YME1L1: variants seen among roughly 807,000 people sequenced by gnomAD.
YME1L1 encodes YME1 like 1 ATPase, also known as ATP-dependent zinc metalloprotease YME1L1.
Under a neutral mutation model 90.4 loss-of-function variants are expected in YME1L1, and 39 were observed. That is an observed-to-expected ratio of 0.43 (90% CI 0.33 to 0.56). YME1L1 has a LOEUF of 0.56. YME1L1 is among the 20% of genes least tolerant of loss of function. YME1L1 has a pLI of 0.03. For missense variants in YME1L1, 617 were observed against 868.4 expected, an observed-to-expected ratio of 0.71 and a Z score of 3.64; for synonymous variants, 284 against 287.3, an observed-to-expected ratio of 0.99 and a Z score of 0.12.
chr10:27,121,820 C>G (rs2056870763), intron 11 of YME1L1, among the ~76,000 whole-genome samples: 1 of 150,826 alleles, frequency 6.6e-6, no homozygotes, highest in African/African-American at 2.4e-5. Context: ...ACTGCAACCT[C>G]CATCTCCCAG....
Position 27,113,848 on chromosome 10 carries a change from C to CA in YME1L1, c.2007+672dup, listed in dbSNP as rs1174871150. On this transcript the variant is annotated intron_variant, in intron 18 of 18. Coordinates refer to ENST00000376016, the MANE Select transcript of YME1L1 (RefSeq NM_014263.4). ...CTTAAAAAAAAAATGACAAAACCCA[C>CA]AAAAAACCAACAATAAAACACCTAC... 2.7e-5 allele frequency among the ~76,000 whole-genome samples: 4 copies of CA among 149,690 alleles called. No individual in the cohort carries two copies. The South Asian group carries it at 6.4e-4, about 24-fold the overall frequency.
intron 4 of YME1L1, among the ~76,000 whole-genome samples, chr10:27,138,786 C>T (rs1340335526): frequency 4.0e-5 from 6 of 151,510 alleles, no homozygotes; most frequent in South Asian, 4.2e-4. Context: ...ATTTCGTTTT[C>T]TTTTAAATCA....
chr10:27,141,705 C>G (rs1306394919), intron 4 of YME1L1, among the ~76,000 whole-genome samples: 1 of 151,718 alleles, frequency 6.6e-6, no homozygotes, highest in Non-Finnish European at 1.5e-5. Flanking sequence ...AAGGCCATAT[C>G]TGCACTGTGA....
Position 27,126,938 on chromosome 10 carries a change from C to T in YME1L1, c.859-152G>A, listed in dbSNP as rs989883465. On this transcript the variant is annotated intron_variant, in intron 8 of 18. Coordinates refer to ENST00000376016, the MANE Select transcript of YME1L1 (RefSeq NM_014263.4). ...GTAAAAAAAGCATACAAAAATGGCC[C>T]CTTATAAAACAAAGGGTTTTCCCCT... is the stretch of plus-strand genomic sequence containing the variant. 49 of 555,774 alleles carry T rather than the reference C, an allele frequency of 8.8e-5. No homozygotes were observed. In the South Asian group the frequency reaches 1.1e-3, roughly 12 times the overall value. The allele number at this position is 555,774 out of a possible 1,614,324, so 34.4% of individuals were successfully genotyped here. A position where few individuals can be genotyped will look rare whatever the true frequency, so the allele number is the denominator to read the frequency against.
Position 27,110,460 on chromosome 10 carries a change from G to A in YME1L1, c.*1517C>T, listed in dbSNP as rs968839944. On this transcript the variant is annotated 3_prime_UTR_variant, in exon 19 of 19. Transcript: ENST00000376016. Reference sequence around the variant, plus strand: ...AGACCATATACAGCTTAAATTATTAGGAAATTGTAGATAATTTTAATGAAG... The same window carrying A: ...AGACCATATACAGCTTAAATTATTAAGAAATTGTAGATAATTTTAATGAAG... 3.3e-5 allele frequency: 5 copies of A among 152,078 alleles called. No individual in the cohort carries two copies. Among genetic ancestry groups the A allele is most frequent in the African/African-American group, 1.2e-4 (5 of 41,410 alleles). 9.4% of individuals were successfully genotyped at this position (152,078 alleles called of 1,614,324 possible). A position where few individuals can be genotyped will look rare whatever the true frequency, so the allele number is the denominator to read the frequency against.
chr10:27,145,002 G>A (rs568495887), intron 3 of YME1L1, among the ~76,000 whole-genome samples: 87 of 152,132 alleles, frequency 5.7e-4, no homozygotes, highest in African/African-American at 1.7e-3. Flanking sequence ...TTAGCCGGGC[G>A]TGGTGGCGGG....
At chr10:27,145,704 CCT>C in intron 2 of YME1L1, 114 bp from the exon 3 acceptor site, 1 of 903,864 alleles carries the variant, frequency 1.1e-6, no homozygotes, top group Non-Finnish European at 1.6e-6. Context: ...AAATATATTT[CCT>C]TTTTTTAATA....
intron 12 of YME1L1, 113 bp from the exon 13 acceptor site, chr10:27,120,660 T>G: frequency 1.4e-6 from 1 of 701,472 alleles, no homozygotes; most frequent in Non-Finnish European, 2.4e-6. Context: ...AGAGCGCAGA[T>G]GGAGTTTTGT....
In YME1L1 at chr10:27,113,238, A is replaced by T. The variant is rs1436211664; in HGVS notation, c.2008-1118T>A. Among the ~76,000 whole-genome samples the T allele has an allele frequency of 8.5e-5, 12 of 140,842 alleles. 1 individual carries two copies. Among genetic ancestry groups the T allele is most frequent in the Middle Eastern group, 3.5e-3 (1 of 282 alleles). The allele number at this position is 140,842 out of a possible 152,430, so 92.4% of individuals were successfully genotyped here. ...CTGTCTCAAAAAAAAAAAAAAAAAA[A>T]AAAAAAAAAAAAAAAAAAAAAAAAA... On this transcript the variant is annotated intron_variant, in intron 18 of 18. Coordinates refer to ENST00000376016, the MANE Select transcript of YME1L1 (RefSeq NM_014263.4).
At chr10:27,128,637 G>C (rs2056944689) in intron 8 of YME1L1, among the ~76,000 whole-genome samples, 2 of 152,004 alleles carry the variant, frequency 1.3e-5, no homozygotes, top group Admixed American at 1.3e-4. Context: ...GGGCTTGGTG[G>C]CTGATGCCTA....
chr10:27,124,289 A>G (rs762446957), intron 9 of YME1L1, among the ~76,000 whole-genome samples: 2 of 152,204 alleles, frequency 1.3e-5, no homozygotes, highest in Non-Finnish European at 2.9e-5. Context: ...AAATACACAC[A>G]TAACACAGAA....
At chr10:27,150,148 T>G (rs2057195824) in intron 1 of YME1L1, among the ~76,000 whole-genome samples, 1 of 151,846 alleles carries the variant, frequency 6.6e-6, no homozygotes, top group African/African-American at 2.4e-5. Context: ...TGCAGTGAGC[T>G]ATCATGCCAC....
chr10:27,147,454 A>G, intron 2 of YME1L1: 1 of 1,614,234 alleles, frequency 6.2e-7, no homozygotes, highest in Non-Finnish European at 8.5e-7. Flanking sequence ...CGATGGACAA[A>G]ACAAATCATA....
intron 8 of YME1L1, among the ~76,000 whole-genome samples, chr10:27,127,433 T>G (rs2056932063): frequency 1.3e-5 from 2 of 152,178 alleles, no homozygotes; most frequent in African/African-American, 4.8e-5. Flanking sequence ...GAGACTTGTA[T>G]AAAAATAGTC....
At chr10:27,145,151 T>A (rs2057129210) in intron 3 of YME1L1, among the ~76,000 whole-genome samples, 2 of 151,918 alleles carry the variant, frequency 1.3e-5, no homozygotes, top group South Asian at 2.1e-4. Context: ...AAAAAAAAAA[T>A]TATTGTACCA....
At chr10:27,142,520 T>C (rs760879780) in intron 3 of YME1L1, 35 bp from the exon 4 acceptor site, 7 of 1,224,260 alleles carry the variant, frequency 5.7e-6, no homozygotes, top group Non-Finnish European at 2.2e-6. Context: ...ATTTTCTAAT[T>C]TCCAAACCAA....
intron 2 of YME1L1, 87 bp downstream of exon 2, chr10:27,148,819 G>T (rs959576903): frequency 4.5e-6 from 7 of 1,541,848 alleles, no homozygotes; most frequent in Non-Finnish European, 6.1e-6. Context: ...GACTACGGGG[G>T]AGGGACAATA....
rs1273891788 is a variant in YME1L1 at position 27,123,616 on chromosome 10, A to G, written c.1033T>C (p.Tyr345His). The G allele has an allele frequency of 2.5e-6, 4 of 1,613,910 alleles. No homozygotes were observed. Among genetic ancestry groups the G allele is most frequent in the Non-Finnish European group, 3.4e-6 (4 of 1,179,958 alleles). The change falls in exon 10 of 19, where the codon TAT becomes CAT. Residue 345 changes from tyrosine to histidine, a missense_variant. Transcript: ENST00000376016. ...TCATCAAATTCGGATCCAGAAGCATAATAAAAAGGAACATCAGCTTCTCCC... is the reference window on the plus strand; with the variant it reads ...TCATCAAATTCGGATCCAGAAGCATGATAAAAAGGAACATCAGCTTCTCCC... ...VAGEADVPFY[Y>H]ASGSEFDEMF...
intron 9 of YME1L1, among the ~76,000 whole-genome samples, chr10:27,125,712 C>T (rs2056911972): frequency 6.7e-6 from 1 of 149,864 alleles, no homozygotes; most frequent in African/African-American, 2.5e-5. Context: ...ACAATCTCGG[C>T]TCACTGCAAC....
Sources: gnomAD v4.1 joint callset for allele counts (sites outside exome capture counted in the v4.1 genomes callset) on GRCh38, gnomAD v4.1.1 for gene constraint, MANE v1.5 for transcripts, NCBI Gene and HGNC (gene_info 2026-07-23, HGNC 2026-07-21) for gene names.